The following AGAP1 variants were observed in gnomAD, a reference collection of about 807,000 sequenced individuals.
AGAP1 encodes the protein ArfGAP with GTPase domain, ankyrin repeat and PH domain 1.
Under a neutral mutation model 105.3 loss-of-function variants are expected in AGAP1, and 29 were observed. That is an observed-to-expected ratio of 0.28 (90% CI 0.21 to 0.38). The LOEUF (loss-of-function observed/expected upper bound fraction) is 0.38. Ranked by LOEUF, AGAP1 falls within the 10% of genes least tolerant of loss-of-function variation. AGAP1 has a pLI of 1.00. For missense variants in AGAP1, 998 were observed against 1,165.1 expected, an observed-to-expected ratio of 0.86 and a Z score of 2.09; for synonymous variants, 509 against 485.9, an observed-to-expected ratio of 1.05 and a Z score of -0.63.
In AGAP1 at chr2:236,073,631, A is replaced by G. The variant is rs1199045775; in HGVS notation, c.2114+24350A>G. Among the ~76,000 whole-genome samples, 3 of 152,184 alleles carry G rather than the reference A, an allele frequency of 2.0e-5. No individual in the cohort carries two copies. The highest frequency in any genetic ancestry group is 7.2e-5 in the African/African-American group (3 of 41,442). On this transcript the variant is annotated intron_variant, in intron 16 of 17. Coordinates refer to ENST00000304032, the MANE Select transcript of AGAP1 (RefSeq NM_001037131.3). The surrounding 1 kb of genome is among the most constrained non-coding windows in gnomAD (Gnocchi z 5.4). The stretch of plus-strand genomic sequence containing the variant: ...AAGATAATTTATAAATACCTATAAC[A>G]TAACCTGAGAATGGCGATTAAGTAA...
rs550844389 is a variant in AGAP1, at chr2:235,962,978, G to A, written c.1484-5484G>A. ...TCCTGGAGAACCGGTGGATCTGTGGGAATCCAGAGTCCCATGGGGCTAGAA... is the reference window on the plus strand; with the variant it reads ...TCCTGGAGAACCGGTGGATCTGTGGAAATCCAGAGTCCCATGGGGCTAGAA... On this transcript the variant is annotated intron_variant, in intron 12 of 17. Coordinates refer to ENST00000304032, the MANE Select transcript of AGAP1 (RefSeq NM_001037131.3). The surrounding 1 kb of genome is among the most constrained non-coding windows in gnomAD (Gnocchi z 5.3). 1.2e-4 allele frequency among the ~76,000 whole-genome samples: 18 copies of A among 152,238 alleles called. No homozygotes were observed. The highest frequency in any genetic ancestry group is 2.2e-4 in the Non-Finnish European group (15 of 68,016).
chr2:235,645,283 A>C (rs543978201), intron 1 of AGAP1, among the ~76,000 whole-genome samples: 2 of 152,346 alleles, frequency 1.3e-5, no homozygotes, highest in African/African-American at 4.8e-5. Flanking sequence ...AACTCTACAT[A>C]AAACAAAAAT....
At chr2:235,749,964 T>C (rs889827646) in intron 5 of AGAP1, among the ~76,000 whole-genome samples, 2 of 152,178 alleles carry the variant, frequency 1.3e-5, no homozygotes, top group South Asian at 2.1e-4. Context: ...TGACCACACC[T>C]AGAAGAAGAA....
rs2049793992 is a variant in AGAP1 at position 235,877,332 on chromosome 2, TA to T, written c.1051-6011del. 6.6e-6 allele frequency among the ~76,000 whole-genome samples: 1 copy of T among 152,172 alleles called. No individual in the cohort carries two copies. Among genetic ancestry groups the T allele is most frequent in the Non-Finnish European group, 1.5e-5 (1 of 68,048 alleles). On this transcript the variant is annotated intron_variant, in intron 9 of 17. Coordinates refer to ENST00000304032, the MANE Select transcript of AGAP1 (RefSeq NM_001037131.3). This position sits in a 1 kb window ranked among gnomAD's most constrained non-coding sequence, Gnocchi z 4.3. ...TAATACCATTAATTTACTGTGCATTTAATGTTAAGGATGATGATGTTTTGCT... is the reference window on the plus strand; with the variant it reads ...TAATACCATTAATTTACTGTGCATTTATGTTAAGGATGATGATGTTTTGCT...
chr2:236,029,567 T>G (rs1010023457), intron 13 of AGAP1, among the ~76,000 whole-genome samples: 26 of 152,256 alleles, frequency 1.7e-4, no homozygotes, highest in Admixed American at 2.0e-4. Context: ...ATCACAGGTG[T>G]GAGCCACTGT....
chr2:235,805,579 G>T (rs1403929196), intron 8 of AGAP1, among the ~76,000 whole-genome samples: 1 of 151,938 alleles, frequency 6.6e-6, no homozygotes, highest in Non-Finnish European at 1.5e-5. Flanking sequence ...TTATCACTGT[G>T]TGCTTTGAAA....
At chr2:235,955,362 G>C (rs879902471) in intron 12 of AGAP1, among the ~76,000 whole-genome samples, 21 of 152,144 alleles carry the variant, frequency 1.4e-4, no homozygotes, top group Admixed American at 1.2e-3. Context: ...GCGACACACA[G>C]CTTGGACATC....
rs1445353440 is a variant in AGAP1 at position 235,582,609 on chromosome 2, G to A, written c.163+87760G>A. On this transcript the variant is annotated intron_variant, in intron 1 of 17. Transcript: ENST00000304032. The surrounding 1 kb of genome is among the most constrained non-coding windows in gnomAD (Gnocchi z 4.7). ...TATAAAAGAAGGATTCTTTGGGGGAGGACCTATAAATATTTCTTAAAAGTG... is the reference window on the plus strand; with the variant it reads ...TATAAAAGAAGGATTCTTTGGGGGAAGACCTATAAATATTTCTTAAAAGTG... Among the ~76,000 whole-genome samples, 1 of 152,190 alleles carries A rather than the reference G, an allele frequency of 6.6e-6. No homozygotes were observed. The highest frequency in any genetic ancestry group is 1.5e-5 in the Non-Finnish European group (1 of 68,046).
intron 8 of AGAP1, among the ~76,000 whole-genome samples, chr2:235,805,339 T>A (rs1163645640): frequency 1.3e-5 from 2 of 152,180 alleles, no homozygotes; most frequent in African/African-American, 4.8e-5. Context: ...TTTCTTCCCA[T>A]TTCAAGTGGA....
chr2:235,707,292 G>T (rs1371400962), intron 1 of AGAP1, among the ~76,000 whole-genome samples: 1 of 152,048 alleles, frequency 6.6e-6, no homozygotes, highest in Non-Finnish European at 1.5e-5. Context: ...GGCATGTTGT[G>T]CCCCGAAAGT....
intron 12 of AGAP1, among the ~76,000 whole-genome samples, chr2:235,948,468 T>C (rs983100651): frequency 6.6e-6 from 1 of 152,228 alleles, no homozygotes; most frequent in Non-Finnish European, 1.5e-5. Context: ...ATTATAGACG[T>C]GAGCCACTGC....
chr2:235,522,086 T>C (rs919443745), intron 1 of AGAP1, among the ~76,000 whole-genome samples: 2 of 152,196 alleles, frequency 1.3e-5, no homozygotes, highest in African/African-American at 4.8e-5. Flanking sequence ...AGAGGCTGAC[T>C]GGGCTCTGAG....
Position 235,625,062 on chromosome 2 carries a change from C to T in AGAP1, c.164-84117C>T, listed in dbSNP as rs1343130876. 6.6e-6 allele frequency among the ~76,000 whole-genome samples: 1 copy of T among 152,172 alleles called. No individual in the cohort carries two copies. Among genetic ancestry groups the T allele is most frequent in the Non-Finnish European group, 1.5e-5 (1 of 68,046 alleles). ...CCAATTAAACTTCTTTTATTAATTA[C>T]CCAGCCTCAGATATTCCTTTAGAGT... On this transcript the variant is annotated intron_variant, in intron 1 of 17. Coordinates refer to ENST00000304032, the MANE Select transcript of AGAP1 (RefSeq NM_001037131.3). The surrounding 1 kb of genome is among the most constrained non-coding windows in gnomAD (Gnocchi z 4.0).
rs2049902950 is a variant in AGAP1 at position 235,879,434 on chromosome 2, G to A, written c.1051-3911G>A. Among the ~76,000 whole-genome samples, 1 of 152,190 alleles carries A rather than the reference G, an allele frequency of 6.6e-6. No individual in the cohort carries two copies. Among genetic ancestry groups the A allele is most frequent in the Admixed American group, 6.5e-5 (1 of 15,280 alleles). On this transcript the variant is annotated intron_variant, in intron 9 of 17. Coordinates refer to ENST00000304032, the MANE Select transcript of AGAP1 (RefSeq NM_001037131.3). This position sits in a 1 kb window ranked among gnomAD's most constrained non-coding sequence, Gnocchi z 5.0. ...AGAAATATGACTCCTAAGAGGCCAG[G>A]GTATTCTGTAGTCCTGCCACTTACG...
chr2:236,102,815 G>T (rs1418210762), intron 16 of AGAP1, among the ~76,000 whole-genome samples: 1 of 152,090 alleles, frequency 6.6e-6, no homozygotes, highest in Non-Finnish European at 1.5e-5. Flanking sequence ...AAATGGTGGG[G>T]AAATACTAAA....
At chr2:235,563,650 A>G (rs1265556837) in intron 1 of AGAP1, among the ~76,000 whole-genome samples, 1 of 151,824 alleles carries the variant, frequency 6.6e-6, no homozygotes, top group African/African-American at 2.4e-5. Flanking sequence ...GGATAGGGTG[A>G]TTTTGGCTGT....
At chr2:236,098,976 C>A (rs1431786656) in intron 16 of AGAP1, among the ~76,000 whole-genome samples, 1 of 151,816 alleles carries the variant, frequency 6.6e-6, no homozygotes, top group Non-Finnish European at 1.5e-5. Flanking sequence ...TAGATCCTTA[C>A]TTCCTAGAGA....
Position 236,015,366 on chromosome 2 carries a change from G to A in AGAP1, c.1646-21195G>A, listed in dbSNP as rs141970357. Among the ~76,000 whole-genome samples the A allele has an allele frequency of 5.0e-3, 653 of 131,146 alleles. 2 individuals carry two copies. Among genetic ancestry groups the A allele is most frequent in the Non-Finnish European group, 6.7e-3 (428 of 63,494 alleles). 86.0% of individuals were successfully genotyped at this position (131,146 alleles called of 152,430 possible). A position where few individuals can be genotyped will look rare whatever the true frequency, so the allele number is the denominator to read the frequency against. ...CTCTAATCCACAGGCAGGCAGGCCCGGGCCATTTGCATGGGCTGCTATTTG... is the reference window on the plus strand; with the variant it reads ...CTCTAATCCACAGGCAGGCAGGCCCAGGCCATTTGCATGGGCTGCTATTTG... On this transcript the variant is annotated intron_variant, in intron 13 of 17. Coordinates refer to ENST00000304032, the MANE Select transcript of AGAP1 (RefSeq NM_001037131.3).
chr2:235,738,385 G>T (rs551694115), intron 3 of AGAP1, among the ~76,000 whole-genome samples: 1 of 151,966 alleles, frequency 6.6e-6, no homozygotes, highest in Admixed American at 6.6e-5. Flanking sequence ...CTGAGGCATC[G>T]AGCAGTTGAG....
Sources: allele counts gnomAD v4.1 joint callset (sites outside exome capture counted in the v4.1 genomes callset), GRCh38; gene constraint gnomAD v4.1.1; non-coding constraint Gnocchi (gnomAD v3.1); transcripts MANE v1.5; gene names NCBI Gene and HGNC (gene_info 2026-07-23, HGNC 2026-07-21).